The following ADGRF1 variants were observed in gnomAD, a reference collection of about 807,000 sequenced individuals.
ADGRF1 encodes the protein G protein-coupled receptor 110.
ADGRF1 carries 85 observed loss-of-function variants against 87.2 expected under a neutral mutation model. That is an observed-to-expected ratio of 0.97 (90% CI 0.82 to 1.17). ADGRF1 has a LOEUF of 1.17. Ranked by LOEUF, ADGRF1 falls within the 50% of genes most tolerant of loss-of-function variation. The pLI is 0.00. For missense variants in ADGRF1, 1,169 were observed against 1,077.2 expected (o/e 1.09, Z -1.19); for synonymous variants, 430 against 408.8 (o/e 1.05, Z -0.63).
At chr6:47,029,589 G>T (rs935204944) in intron 1 of ADGRF1, among the ~76,000 whole-genome samples, 2 of 152,130 alleles carry the variant, frequency 1.3e-5, no homozygotes, top group Non-Finnish European at 2.9e-5. Flanking sequence ...TTAGCAAAAA[G>T]ATGTCCTCGA....
intron 6 of ADGRF1, 100 bp downstream of exon 6, chr6:47,021,858 G>A (rs4714983): frequency 0.027 from 18,114 of 668,170 alleles, 983 homozygotes; most frequent in East Asian, 0.16. Flanking sequence ...CACTGAAAAC[G>A]AATAATTAAG....
chr6:47,030,889 A>C (rs922847115), intron 1 of ADGRF1, among the ~76,000 whole-genome samples: 5 of 151,778 alleles, frequency 3.3e-5, no homozygotes, highest in African/African-American at 1.2e-4. Context: ...CAGCCTCATG[A>C]GTAGCTGGCA....
intron 5 of ADGRF1, among the ~76,000 whole-genome samples, chr6:47,022,720 T>C (rs1460433799): frequency 6.6e-6 from 1 of 152,116 alleles, no homozygotes; most frequent in African/African-American, 2.4e-5. Flanking sequence ...ATAAGTGTCA[T>C]CCCTGTCTGA....
intron 1 of ADGRF1, 71 bp from the exon 2 acceptor site, chr6:47,029,175 A>G (rs1317205713): frequency 2.4e-6 from 2 of 841,010 alleles, no homozygotes; most frequent in Non-Finnish European, 4.0e-6. Context: ...GTAAAAATGC[A>G]CAAAGTGGTA....
At chr6:47,018,328 G>A in intron 7 of ADGRF1, 3 of 1,168,330 alleles carry the variant, frequency 2.6e-6, no homozygotes, top group Non-Finnish European at 3.3e-6. Flanking sequence ...TTATAGATAA[G>A]AGAACTGAGG....
intron 7 of ADGRF1, chr6:47,018,685 GT>G: frequency 2.0e-6 from 2 of 1,000,506 alleles, no homozygotes; most frequent in South Asian, 2.8e-5. Flanking sequence ...GCCAAGGTGT[GT>G]GGGTCATTTG....
chr6:46,997,811 A>G lies in ADGRF1; in HGVS notation c.*2411T>C, dbSNP rs890344710. 1.3e-5 allele frequency: 2 copies of G among 149,484 alleles called. No homozygotes were observed. Among genetic ancestry groups the G allele is most frequent in the Non-Finnish European group, 2.9e-5 (2 of 67,900 alleles). The allele number at this position is 149,484 out of a possible 1,614,324, so 9.3% of individuals were successfully genotyped here. A position where few individuals can be genotyped will look rare whatever the true frequency, so the allele number is the denominator to read the frequency against. On this transcript the variant is annotated 3_prime_UTR_variant, in exon 15 of 15. Coordinates refer to ENST00000371253, the MANE Select transcript of ADGRF1 (RefSeq NM_153840.4). The stretch of plus-strand genomic sequence containing the variant: ...ATGCACATACATGATATCTGATCAA[A>G]CATTTTTTTGTCTCTCATCATCCTC...
rs764858545 is a variant in ADGRF1 at position 47,009,042 on chromosome 6, G to A, written c.2393C>T (p.Pro798Leu). The part of the protein sequence containing the change: ...RVGKSLLILT[P>L]LLGLTWGFGI... ...AAAGCCCCAGGTGAGCCCTAGCAGAGGGGTCAGAATGAGGAGGCTCTTCCC... is the reference window on the plus strand; with the variant it reads ...AAAGCCCCAGGTGAGCCCTAGCAGAAGGGTCAGAATGAGGAGGCTCTTCCC... Residue 798 changes from proline to leucine, a missense_variant, in exon 11 of 15, where the codon CCT becomes CTT. By Grantham distance (98) the Pro-to-Leu change is moderately conservative. Coordinates refer to ENST00000371253, the MANE Select transcript of ADGRF1 (RefSeq NM_153840.4). The A allele has an allele frequency of 6.2e-7, 1 of 1,614,106 alleles. No individual in the cohort carries two copies. The highest frequency in any genetic ancestry group is 8.5e-7 in the Non-Finnish European group (1 of 1,180,014).
At chr6:47,016,525 C>A (rs967777972) in intron 8 of ADGRF1, 92 bp downstream of exon 8, 5 of 1,352,966 alleles carry the variant, frequency 3.7e-6, no homozygotes, top group Non-Finnish European at 4.9e-6. Context: ...ATTCGTTATT[C>A]AAACGTCTCA....
intron 10 of ADGRF1, 80 bp downstream of exon 10, chr6:47,011,927 T>G: frequency 7.7e-7 from 1 of 1,300,584 alleles, no homozygotes; most frequent in South Asian, 1.4e-5. Context: ...TTCCAATAGT[T>G]CCCCATATTT....
At chr6:47,030,311 C>A (rs1355563255) in intron 1 of ADGRF1, among the ~76,000 whole-genome samples, 2 of 152,136 alleles carry the variant, frequency 1.3e-5, no homozygotes, top group African/African-American at 4.8e-5. Context: ...CTTTTCCTTT[C>A]GGATGAATGG....
intron 7 of ADGRF1, chr6:47,018,674 G>A (rs529355418): frequency 1.4e-5 from 16 of 1,130,576 alleles, no homozygotes; most frequent in African/African-American, 1.1e-4. Context: ...CACTTTGGGA[G>A]GCCAAGGTGT....
intron 9 of ADGRF1, chr6:47,012,912 G>A (rs1779752901): frequency 3.6e-6 from 2 of 560,248 alleles, no homozygotes; most frequent in South Asian, 1.6e-4. Context: ...TGGGATTACC[G>A]GCATGCACCA....
At chr6:47,039,500 A>G (rs1446705561) in intron 1 of ADGRF1, among the ~76,000 whole-genome samples, 2 of 152,102 alleles carry the variant, frequency 1.3e-5, no homozygotes, top group Admixed American at 1.3e-4. Context: ...CTTACTGGGG[A>G]GGGGATGTGA....
At chr6:47,014,997 C>T (rs1048094835) in intron 8 of ADGRF1, among the ~76,000 whole-genome samples, 153 bp from the exon 9 acceptor site, 5 of 152,280 alleles carry the variant, frequency 3.3e-5, no homozygotes, top group African/African-American at 9.6e-5. Flanking sequence ...TCTTTGATGT[C>T]CTGCTTCATC....
intron 1 of ADGRF1, among the ~76,000 whole-genome samples, chr6:47,032,057 G>A (rs995425409): frequency 6.6e-5 from 10 of 152,144 alleles, no homozygotes; most frequent in Non-Finnish European, 1.0e-4. Flanking sequence ...ATCCAGGCAG[G>A]TTTGAGAGCT....
chr6:47,033,066 C>T (rs143605016), intron 1 of ADGRF1, among the ~76,000 whole-genome samples: 237 of 152,324 alleles, frequency 1.6e-3, no homozygotes, highest in African/African-American at 5.6e-3. Context: ...TTTAGAAATT[C>T]TCAGAATCCT....
chr6:47,018,856 G>A (rs1281136884), intron 7 of ADGRF1: 2 of 241,680 alleles, frequency 8.3e-6, no homozygotes, highest in Non-Finnish European at 1.6e-5. Context: ...TATTATGGGA[G>A]GCCAAGGTAG....
At chr6:47,004,842 A>G (rs1319618949) in intron 13 of ADGRF1, among the ~76,000 whole-genome samples, 1 of 152,184 alleles carries the variant, frequency 6.6e-6, no homozygotes, top group Non-Finnish European at 1.5e-5. Flanking sequence ...CTTTCCTAAG[A>G]TCACACAGTC....
Sources: gnomAD v4.1 joint callset for allele counts (sites outside exome capture counted in the v4.1 genomes callset) on GRCh38, gnomAD v4.1.1 for gene constraint, MANE v1.5 for transcripts, NCBI Gene and HGNC (gene_info 2026-07-23, HGNC 2026-07-21) for gene names.